The following ANKRD12 variants were observed in gnomAD, a reference collection of about 807,000 sequenced individuals.
The protein encoded by ANKRD12 is ankyrin repeat domain 12.
A neutral mutation model predicts 183.4 loss-of-function variants in ANKRD12; 85 were observed. The ratio of observed to expected loss-of-function variants is 0.46; its 90% CI spans 0.39 to 0.56. The LOEUF is 0.56. Ranked by LOEUF, ANKRD12 falls within the 20% of genes least tolerant of loss-of-function variation. The pLI is 0.00. For synonymous variants in ANKRD12, 914 were observed against 800.2 expected, an observed-to-expected ratio of 1.14 and a Z score of -2.40; for missense variants, 2,405 against 2,357.1, an observed-to-expected ratio of 1.02 and a Z score of -0.42.
At chr18:9,231,696 G>A (rs2037057959) in intron 8 of ANKRD12, among the ~76,000 whole-genome samples, 1 of 151,668 alleles carries the variant, frequency 6.6e-6, no homozygotes, top group Non-Finnish European at 1.5e-5. Flanking sequence ...ATGGTGGCAG[G>A]CGCCTGTAGT....
chr18:9,189,827 G>A (rs1358979830), intron 2 of ANKRD12, among the ~76,000 whole-genome samples: 2 of 152,200 alleles, frequency 1.3e-5, no homozygotes, highest in Admixed American at 6.5e-5. Context: ...ATGTCAGTGA[G>A]CTGTCACCCA....
chr18:9,270,100 A>C (rs1160361152), intron 10 of ANKRD12, among the ~76,000 whole-genome samples: 1 of 152,228 alleles, frequency 6.6e-6, no homozygotes. Flanking sequence ...GATCATTAAA[A>C]AGTCAGGAAA....
At chr18:9,225,211 G>T (rs1468914253) in intron 8 of ANKRD12, among the ~76,000 whole-genome samples, 1 of 54,614 alleles carries the variant, frequency 1.8e-5, no homozygotes, top group African/African-American at 4.6e-5. Context: ...AGTGACTTAT[G>T]CCTGTAATCC....
intron 8 of ANKRD12, among the ~76,000 whole-genome samples, chr18:9,253,418 AG>A (rs1367533176): frequency 6.6e-6 from 1 of 152,170 alleles, no homozygotes; most frequent in Non-Finnish European, 1.5e-5. Flanking sequence ...CCCACATACA[AG>A]TGAGAAAGTG....
intron 8 of ANKRD12, among the ~76,000 whole-genome samples, chr18:9,223,261 T>G (rs552021032): frequency 6.8e-6 from 1 of 147,368 alleles, no homozygotes; most frequent in African/African-American, 2.5e-5. Flanking sequence ...CTCTCTCTCT[T>G]TTTTTTTTTT....
intron 1 of ANKRD12, among the ~76,000 whole-genome samples, chr18:9,157,577 G>GTATATA (rs1439951194): frequency 2.6e-5 from 3 of 114,472 alleles, no homozygotes; most frequent in Non-Finnish European, 5.2e-5. Context: ...GTGTGTGTGT[G>GTATATA]TGTGTGTGTA....
chr18:9,165,863 T>TCCCCCC (rs1295165829), intron 1 of ANKRD12, among the ~76,000 whole-genome samples: 1 of 94,070 alleles, frequency 1.1e-5, no homozygotes, highest in Non-Finnish European at 2.1e-5. Flanking sequence ...ATGCTATCCC[T>TCCCCCC]CCCCCCCTCC....
chr18:9,202,759 T>C (rs1357341614), intron 3 of ANKRD12, among the ~76,000 whole-genome samples: 1 of 152,018 alleles, frequency 6.6e-6, no homozygotes, highest in Non-Finnish European at 1.5e-5. Flanking sequence ...TAAAAGGAAG[T>C]AGTTGAGGAA....
intron 10 of ANKRD12, among the ~76,000 whole-genome samples, chr18:9,266,305 A>G (rs1264911923): frequency 6.6e-6 from 1 of 152,174 alleles, no homozygotes; most frequent in Non-Finnish European, 1.5e-5. Context: ...ACTCCAAGAC[A>G]CATAATTGTC....
At chr18:9,250,399 G>T (rs1393622061) in intron 8 of ANKRD12, among the ~76,000 whole-genome samples, 1 of 152,156 alleles carries the variant, frequency 6.6e-6, no homozygotes, top group Non-Finnish European at 1.5e-5. Flanking sequence ...GACAGTAGTA[G>T]TGGGAATAGA....
At chr18:9,165,927 G>A (rs922639008) in intron 1 of ANKRD12, among the ~76,000 whole-genome samples, 29 of 139,192 alleles carry the variant, frequency 2.1e-4, no homozygotes, top group Non-Finnish European at 3.5e-4. Context: ...GTGTCCAAGT[G>A]TTCTCATTGT....
chr18:9,141,639 T>C (rs1181540389), intron 1 of ANKRD12, among the ~76,000 whole-genome samples: 1 of 152,204 alleles, frequency 6.6e-6, no homozygotes, highest in African/African-American at 2.4e-5. Flanking sequence ...TCTTTTTCTT[T>C]GGCTTTAAAA....
intron 1 of ANKRD12, among the ~76,000 whole-genome samples, chr18:9,176,608 G>T (rs1425950602): frequency 2.0e-5 from 3 of 151,502 alleles, no homozygotes; most frequent in Admixed American, 6.6e-5. Context: ...GGTTCTTAAG[G>T]TGCTTATACT....
chr18:9,211,844 A>C, intron 6 of ANKRD12, 60 bp downstream of exon 6: 1 of 1,336,328 alleles, frequency 7.5e-7, no homozygotes, highest in South Asian at 1.3e-5. Flanking sequence ...GATCCTGGTT[A>C]CAATTTAATC....
intron 6 of ANKRD12, among the ~76,000 whole-genome samples, chr18:9,212,403 T>A (rs2035855381): frequency 6.6e-6 from 1 of 152,008 alleles, no homozygotes; most frequent in Non-Finnish European, 1.5e-5. Flanking sequence ...TATATTGGCT[T>A]TTTAAAGTGA....
At chr18:9,169,561 C>T (rs564890921) in intron 1 of ANKRD12, among the ~76,000 whole-genome samples, 17 of 152,156 alleles carry the variant, frequency 1.1e-4, no homozygotes, top group African/African-American at 4.1e-4. Context: ...TTTCCATTTG[C>T]TTGGTAGATC....
At chr18:9,199,647 TC>T (rs2035053758) in intron 3 of ANKRD12, among the ~76,000 whole-genome samples, 1 of 152,208 alleles carries the variant, frequency 6.6e-6, no homozygotes, top group Admixed American at 6.5e-5. Flanking sequence ...TTTTTAATGT[TC>T]CTGTATTTAA....
chr18:9,222,949 T>A (rs942810435), intron 8 of ANKRD12, among the ~76,000 whole-genome samples: 2 of 152,174 alleles, frequency 1.3e-5, no homozygotes, highest in African/African-American at 4.8e-5. Flanking sequence ...ATAAAAACTT[T>A]TGGCAGTGAG....
At chr18:9,190,989 C>T (rs945006838) in intron 2 of ANKRD12, among the ~76,000 whole-genome samples, 3 of 152,056 alleles carry the variant, frequency 2.0e-5, no homozygotes, top group South Asian at 2.1e-4. Context: ...TATATTTGCA[C>T]GTGTGTATAT....
Sources: allele counts gnomAD v4.1 joint callset (sites outside exome capture counted in the v4.1 genomes callset), GRCh38; gene constraint gnomAD v4.1.1; transcripts MANE v1.5; gene names NCBI Gene and HGNC (gene_info 2026-07-23, HGNC 2026-07-21).